The following PGBD5 variants were observed in gnomAD, a reference collection of about 807,000 sequenced individuals.
The protein encoded by PGBD5 is piggyBac transposable element-derived protein 5.
Under a neutral mutation model 47.9 loss-of-function variants are expected in PGBD5, and 14 were observed. The observed-to-expected ratio is 0.29, with a 90% CI of 0.19 to 0.46. The LOEUF is 0.46. Among genes scored for constraint, PGBD5 ranks in the 20% least tolerant of loss-of-function variants. PGBD5 has a pLI of 1.00. For synonymous variants in PGBD5, 316 were observed against 306.3 expected (o/e 1.03, Z -0.33); for missense variants, 635 against 716.0 (o/e 0.89, Z 1.29).
rs1312046043 is a variant in PGBD5, at chr1:230,322,423, A to G, written c.*1002T>C. Reference sequence around the variant, plus strand: ...CACACAGAGGAAAGACAATGAGCAAATGGCCATCGTAGAGAATTCGGTTGT... The same window carrying G: ...CACACAGAGGAAAGACAATGAGCAAGTGGCCATCGTAGAGAATTCGGTTGT... On this transcript the variant is annotated 3_prime_UTR_variant, in exon 7 of 7. Transcript: ENST00000391860. This position sits in a 1 kb window ranked among gnomAD's most constrained non-coding sequence, Gnocchi z 5.9. 1 of 152,242 alleles carries G rather than the reference A, an allele frequency of 6.6e-6. No individual in the cohort carries two copies. The allele number at this position is 152,242 out of a possible 1,614,324, so 9.4% of individuals were successfully genotyped here.
At chr1:230,359,232 T>C (rs1571839264) in intron 1 of PGBD5, among the ~76,000 whole-genome samples, 2 of 152,234 alleles carry the variant, frequency 1.3e-5, no homozygotes, top group South Asian at 4.1e-4. Context: ...TGGCTAATTT[T>C]TGTATTTTTA....
intron 1 of PGBD5, among the ~76,000 whole-genome samples, chr1:230,406,330 A>G (rs1393173162): frequency 1.3e-5 from 2 of 151,598 alleles, no homozygotes; most frequent in East Asian, 3.9e-4. Context: ...AAAAAAAAAA[A>G]AAAAGAAATT....
At chr1:230,350,400 T>C (rs1399892146) in intron 3 of PGBD5, among the ~76,000 whole-genome samples, 5 of 152,226 alleles carry the variant, frequency 3.3e-5, no homozygotes, top group African/African-American at 1.2e-4. Context: ...ATGTTGGCCA[T>C]GCTGGCTCCA....
intron 1 of PGBD5, among the ~76,000 whole-genome samples, chr1:230,391,008 G>A (rs1656769419): frequency 6.6e-6 from 1 of 152,092 alleles, no homozygotes; most frequent in Admixed American, 6.6e-5. Flanking sequence ...CCAAAGTACT[G>A]GGATTACAGT....
At chr1:230,348,566 T>C (rs1027445263) in intron 3 of PGBD5, among the ~76,000 whole-genome samples, 3 of 152,188 alleles carry the variant, frequency 2.0e-5, no homozygotes, top group Non-Finnish European at 4.4e-5. Flanking sequence ...TGTAAGGTAT[T>C]ATTCTGCCCC....
chr1:230,347,913 G>C, intron 3 of PGBD5, among the ~76,000 whole-genome samples: 1 of 152,110 alleles, frequency 6.6e-6, no homozygotes, highest in Non-Finnish European at 1.5e-5. Flanking sequence ...GATCCATCCT[G>C]GTCATTTTCT....
rs549967030 is a variant in PGBD5 at position 230,321,834 on chromosome 1, A to C, written c.*1591T>G. On this transcript the variant is annotated 3_prime_UTR_variant, in exon 7 of 7. Transcript: ENST00000391860. Reference sequence around the variant, plus strand: ...GTAAAAGTGCTTTCAATCCCATTAAAGGGCACAGCAAGGGTGTTTGGAAAC... The same window carrying C: ...GTAAAAGTGCTTTCAATCCCATTAACGGGCACAGCAAGGGTGTTTGGAAAC... The C allele has an allele frequency of 6.5e-6, 1 of 152,798 alleles. No homozygotes were observed. The highest frequency in any genetic ancestry group is 2.4e-5 in the African/African-American group (1 of 41,586). The allele number at this position is 152,798 out of a possible 1,614,324, so 9.5% of individuals were successfully genotyped here. A position where few individuals can be genotyped will look rare whatever the true frequency, so the allele number is the denominator to read the frequency against.
rs756790074 is a variant in PGBD5 at position 230,351,096 on chromosome 1, C to A, written c.760-4G>T. The A allele has an allele frequency of 6.2e-7, 1 of 1,608,004 alleles. No individual in the cohort carries two copies. The highest frequency in any genetic ancestry group is 8.5e-7 in the Non-Finnish European group (1 of 1,177,522). Reference sequence around the variant, plus strand: ...CGATCAGGGGTTCATGTAGCACCTGCCAGGAGGGAAAAAGCAGAGGCTCTC... The same window carrying A: ...CGATCAGGGGTTCATGTAGCACCTGACAGGAGGGAAAAAGCAGAGGCTCTC... On this transcript the variant is annotated splice_region_variant and splice_polypyrimidine_tract_variant and intron_variant, in intron 2 of 6. Transcript: ENST00000391860.
intron 3 of PGBD5, among the ~76,000 whole-genome samples, chr1:230,344,672 G>A (rs1345129149): frequency 6.6e-6 from 1 of 152,162 alleles, no homozygotes; most frequent in Admixed American, 6.5e-5. Flanking sequence ...TGAGGGCTCT[G>A]CCTGGACAGA....
At chr1:230,366,387 A>G (rs1018829366) in intron 1 of PGBD5, among the ~76,000 whole-genome samples, 2 of 151,824 alleles carry the variant, frequency 1.3e-5, no homozygotes, top group Non-Finnish European at 2.9e-5. Context: ...TCCACTATCT[A>G]TCTGACTTCT....
intron 5 of PGBD5, among the ~76,000 whole-genome samples, chr1:230,330,587 A>G (rs191544917): frequency 1.3e-5 from 2 of 152,332 alleles, no homozygotes; most frequent in Admixed American, 1.3e-4. Context: ...GGGGAGGAGC[A>G]GCTATGAACT....
chr1:230,324,148 CCTT>C (rs1667079890), intron 6 of PGBD5, among the ~76,000 whole-genome samples: 2 of 152,346 alleles, frequency 1.3e-5, no homozygotes, highest in Non-Finnish European at 2.9e-5. Flanking sequence ...AGAACACTGG[CCTT>C]CTTGGGAGCA....
chr1:230,348,589 G>T (rs1053687903), intron 3 of PGBD5, among the ~76,000 whole-genome samples: 4 of 152,218 alleles, frequency 2.6e-5, no homozygotes, highest in African/African-American at 9.6e-5. Context: ...GGCTGTGCTT[G>T]CCCAGGCTGC....
intron 1 of PGBD5, chr1:230,367,984 C>T: frequency 7.3e-7 from 1 of 1,367,812 alleles, no homozygotes; most frequent in South Asian, 1.1e-5. Context: ...AGCTGGACAC[C>T]AAGGAGCTGG....
At chr1:230,390,104 G>A (rs556428506) in intron 1 of PGBD5, among the ~76,000 whole-genome samples, 8 of 152,292 alleles carry the variant, frequency 5.3e-5, no homozygotes, top group South Asian at 2.1e-4. Context: ...ATCATCAGGC[G>A]AGGCTGCTTT....
chr1:230,386,608 C>A (rs1048741072), intron 1 of PGBD5, among the ~76,000 whole-genome samples: 1 of 152,164 alleles, frequency 6.6e-6, no homozygotes, highest in Admixed American at 6.5e-5. Flanking sequence ...GGTACTTCAT[C>A]GCCATTGGCT....
At position 230,425,461 on chromosome 1, in the gene PGBD5, G is replaced by T; in HGVS notation, c.331+137C>A. 2 of 628,886 alleles carry T rather than the reference G, an allele frequency of 3.2e-6. No individual in the cohort carries two copies. The highest frequency in any genetic ancestry group is 4.5e-6 in the Non-Finnish European group (2 of 445,614). The allele number at this position is 628,886 out of a possible 1,614,324, so 39.0% of individuals were successfully genotyped here. A position where few individuals can be genotyped will look rare whatever the true frequency, so the allele number is the denominator to read the frequency against. ...AGCAGTCAGACCGATCACCGCTCCT[G>T]CAGCCTCATTTGTTTCCGGAGAGAC... On this transcript the variant is annotated intron_variant, in intron 1 of 6. Transcript: ENST00000391860. This position sits in a 1 kb window ranked among gnomAD's most constrained non-coding sequence, Gnocchi z 4.7.
intron 1 of PGBD5, among the ~76,000 whole-genome samples, chr1:230,391,445 A>C (rs935661485): frequency 6.6e-6 from 1 of 152,216 alleles, no homozygotes; most frequent in Admixed American, 6.5e-5. Context: ...AGAATTTCTC[A>C]AATTGCATCA....
intron 1 of PGBD5, among the ~76,000 whole-genome samples, chr1:230,389,738 A>G (rs957124611): frequency 3.3e-5 from 5 of 152,260 alleles, no homozygotes; most frequent in Non-Finnish European, 7.3e-5. Context: ...TGAAAAATCC[A>G]ATTAGTAAAT....
Sources: gnomAD v4.1 joint callset for allele counts (sites outside exome capture counted in the v4.1 genomes callset) on GRCh38, gnomAD v4.1.1 for gene constraint, Gnocchi (gnomAD v3.1) non-coding constraint, MANE v1.5 for transcripts, NCBI Gene and HGNC (gene_info 2026-07-23, HGNC 2026-07-21) for gene names.